Variants in MTRR observed in about 807,000 individuals in gnomAD.
MTRR encodes the protein 5-methyltetrahydrofolate-homocysteine methyltransferase reductase.
Under a neutral mutation model 79.2 loss-of-function variants are expected in MTRR, and 63 were observed. That is an observed-to-expected ratio of 0.80 (90% CI 0.65 to 0.98). The LOEUF (loss-of-function observed/expected upper bound fraction) is 0.98. Ranked by LOEUF, MTRR falls within the 50% of genes least tolerant of loss-of-function variation. MTRR has a pLI of 0.00. For missense variants in MTRR, 895 were observed against 839.6 expected, an observed-to-expected ratio of 1.07 and a Z score of -0.82; for synonymous variants, 355 against 313.3, an observed-to-expected ratio of 1.13 and a Z score of -1.41.
At chr5:7,891,482 C>A in intron 10 of MTRR, 68 bp downstream of exon 10, 1 of 1,314,036 alleles carries the variant, frequency 7.6e-7, no homozygotes, top group Non-Finnish European at 1.1e-6. Flanking sequence ...GCTTCCAGAT[C>A]ATTAGAGTTT....
At chr5:7,864,353 T>A (rs1278676632), upstream of MTRR, among the ~76,000 whole-genome samples, 4 of 152,134 alleles carry the variant, frequency 2.6e-5, no homozygotes, top group Non-Finnish European at 5.9e-5. Flanking sequence ...CTAAATAAAA[T>A]TTAAAAGATA....
chr5:7,860,131 T>C (rs1746430639), intron 1 of MTRR, among the ~76,000 whole-genome samples: 1 of 152,188 alleles, frequency 6.6e-6, no homozygotes, highest in Admixed American at 6.5e-5. Context: ...GTTTTTACTT[T>C]ATTCTGTAAG....
intron 2 of MTRR, among the ~76,000 whole-genome samples, chr5:7,872,061 T>C (rs1748081948): frequency 6.6e-6 from 1 of 152,204 alleles, no homozygotes; most frequent in Admixed American, 6.5e-5. Flanking sequence ...GCTGATGGTT[T>C]CGTCTAGCTG....
intron 10 of MTRR, 75 bp from the exon 11 acceptor site, chr5:7,892,652 A>G (rs1737797853): frequency 7.0e-7 from 1 of 1,424,150 alleles, no homozygotes; most frequent in South Asian, 1.2e-5. Context: ...TCTAAACTGA[A>G]TAAAAGGATT....
chr5:7,878,312 C>G lies in MTRR; in HGVS notation c.770C>G (p.Ser257Cys), dbSNP rs1242426539. ...TATTTACAGGTACATCTGCAGGAGT[C>G]TCTTGGCCAGGTAAGGAAGTTTTTC... The part of the protein sequence containing the change: ...PEYLQVHLQE[S>C]LGQEESQVSV... The change falls in exon 5 of 15, where the codon TCT (serine) becomes TGT (cysteine). Residue 257 changes from serine (S) to cysteine (C), a missense_variant. Transcript: ENST00000440940. The G allele has an allele frequency of 1.2e-6, 2 of 1,614,192 alleles. No homozygotes were observed. Among genetic ancestry groups the G allele is most frequent in the South Asian group, 1.1e-5 (1 of 91,076 alleles).
At chr5:7,864,147 G>A (rs1358936622), upstream of MTRR, among the ~76,000 whole-genome samples, 6 of 152,120 alleles carry the variant, frequency 3.9e-5, no homozygotes, top group East Asian at 1.9e-4. Context: ...CACTGCGCAC[G>A]GCAAGAGTAC....
At chr5:7,859,601 T>A (rs1746385109) in intron 1 of MTRR, 2 of 1,077,300 alleles carry the variant, frequency 1.9e-6, no homozygotes, top group Admixed American at 2.3e-5. Flanking sequence ...CCTCTGGCTA[T>A]TGGTTACTTT....
rs141611129 is a variant in MTRR at position 7,860,627 on chromosome 5, C to T, written n.392-1324C>T. On this transcript the variant is annotated intron_variant and non_coding_transcript_variant, in intron 1 of 3. Coordinates refer to the MTRR transcript ENST00000502509. ...TTGGGATTTAAACTAGACGTAAGAT[C>T]GGTGGTCCACTGGGCTGGCAAACCA... Among the ~76,000 whole-genome samples, 365 of 152,258 alleles carry T rather than the reference C, an allele frequency of 2.4e-3. 2 individuals carry two copies. Among genetic ancestry groups the T allele is most frequent in the African/African-American group, 8.5e-3 (355 of 41,544 alleles).
intron 11 of MTRR, 24 bp downstream of exon 11, chr5:7,892,937 C>G: frequency 6.2e-7 from 1 of 1,603,664 alleles, no homozygotes; most frequent in Non-Finnish European, 8.5e-7. Flanking sequence ...ACCTTAACCT[C>G]AGCATTGTTA....
chr5:7,872,655 A>C (rs962956566), intron 2 of MTRR, among the ~76,000 whole-genome samples: 3 of 152,220 alleles, frequency 2.0e-5, no homozygotes, highest in Non-Finnish European at 4.4e-5. Flanking sequence ...CATGCAGTAC[A>C]CATGGCTGGT....
At chr5:7,875,860 A>C (rs988703944) in intron 4 of MTRR, among the ~76,000 whole-genome samples, 1 of 152,230 alleles carries the variant, frequency 6.6e-6, no homozygotes, top group Non-Finnish European at 1.5e-5. Context: ...ATTTGCCACC[A>C]TGCCAATCAG....
At chr5:7,887,338 G>T (rs1736658347) in intron 8 of MTRR, among the ~76,000 whole-genome samples, 1 of 151,006 alleles carries the variant, frequency 6.6e-6, no homozygotes, top group Non-Finnish European at 1.5e-5. Context: ...CTTCTAACCA[G>T]CTCCCGGAAG....
At chr5:7,857,709 A>G (rs1339981715) in intron 1 of MTRR, among the ~76,000 whole-genome samples, 1 of 152,184 alleles carries the variant, frequency 6.6e-6, no homozygotes, top group South Asian at 2.1e-4. Context: ...ACCTGTTTCA[A>G]GCCCCTCAAG....
chr5:7,896,153 A>T (rs1738483412), intron 12 of MTRR, among the ~76,000 whole-genome samples: 1 of 152,248 alleles, frequency 6.6e-6, no homozygotes, highest in Admixed American at 6.5e-5. Context: ...GTGATGATAT[A>T]CAGCTGTTGT....
chr5:7,865,858 C>T, upstream of MTRR: 1 of 1,460,318 alleles, frequency 6.8e-7, no homozygotes, highest in Non-Finnish European at 9.6e-7. Flanking sequence ...GGAAACTGCA[C>T]CCATGGGGAA....
chr5:7,882,715 CCAGCCATATTTCAG>C (rs1178208713), intron 5 of MTRR, among the ~76,000 whole-genome samples: 6 of 152,130 alleles, frequency 3.9e-5, no homozygotes. Flanking sequence ...CTGTATTTCA[CCAGCCATATTTCAG>C]CAGCCATATG....
rs768521285 is a variant in MTRR at position 7,862,980 on chromosome 5, A to G, written n.498+923A>G. 7.1e-5 allele frequency: 115 copies of G among 1,613,700 alleles called. 1 individual carries two copies. In the Admixed American group the frequency reaches 1.9e-3, roughly 27 times the overall value. The stretch of plus-strand genomic sequence containing the variant: ...TAAGAAATGACTTCACTTGATATTT[A>G]GGAAGGAGTTTTGGACCCTAAAAAA... On this transcript the variant is annotated intron_variant and non_coding_transcript_variant, in intron 2 of 3. Coordinates refer to the MTRR transcript ENST00000502509.
intron 2 of MTRR, among the ~76,000 whole-genome samples, chr5:7,871,638 C>T (rs1304313841): frequency 1.3e-5 from 2 of 152,216 alleles, no homozygotes; most frequent in African/African-American, 4.8e-5. Flanking sequence ...CTCTCTCACC[C>T]AAGTGCACAA....
intron 9 of MTRR, among the ~76,000 whole-genome samples, chr5:7,890,065 G>C (rs1397316518): frequency 6.6e-6 from 1 of 152,142 alleles, no homozygotes; most frequent in East Asian, 1.9e-4. Flanking sequence ...TTACTTTCTT[G>C]TGCTTGTAAC....
Sources: gnomAD v4.1 joint callset for allele counts (sites outside exome capture counted in the v4.1 genomes callset) on GRCh38, gnomAD v4.1.1 for gene constraint, MANE v1.5 for transcripts, NCBI Gene and HGNC (gene_info 2026-07-23, HGNC 2026-07-21) for gene names.